Variants in TMEM218 observed in about 807,000 individuals in gnomAD.
TMEM218 encodes transmembrane protein 218.
A neutral mutation model predicts 10.0 loss-of-function variants in TMEM218; 8 were observed. That is an observed-to-expected ratio of 0.80 (90% CI 0.47 to 1.44). TMEM218 has a LOEUF of 1.44. Among genes scored for constraint, TMEM218 ranks in the 40% most tolerant of loss-of-function variants. The pLI is 0.00. For missense variants in TMEM218, 110 were observed against 140.1 expected (o/e 0.79, Z 1.08); for synonymous variants, 66 against 63.5 (o/e 1.04, Z -0.18).
intron 4 of TMEM218, among the ~76,000 whole-genome samples, chr11:125,098,457 C>G (rs560957286): frequency 6.6e-6 from 1 of 152,288 alleles, no homozygotes; most frequent in South Asian, 2.1e-4. Flanking sequence ...GAGCTCCACT[C>G]TCCCCAGATC....
chr11:125,099,145 C>G (rs539599028), intron 4 of TMEM218, among the ~76,000 whole-genome samples: 1 of 152,270 alleles, frequency 6.6e-6, no homozygotes, highest in Admixed American at 6.5e-5. Flanking sequence ...CTCTCAGACC[C>G]GAGCCCTAGT....
intron 3 of TMEM218, chr11:125,101,558 T>C: frequency 1.4e-6 from 2 of 1,404,320 alleles, no homozygotes; most frequent in Non-Finnish European, 1.9e-6. Context: ...TTTTTACTTC[T>C]GCCCAAAGTC....
intron 1 of TMEM218, among the ~76,000 whole-genome samples, chr11:125,107,797 GTGTA>G (rs56780313): frequency 0.39 from 57,517 of 147,268 alleles, 12,151 homozygotes; most frequent in East Asian, 0.69. Context: ...GTGGATATGT[GTGTA>G]TATATATATA....
intron 3 of TMEM218, 162 bp from the exon 4 acceptor site, chr11:125,101,465 T>G: frequency 6.5e-7 from 1 of 1,532,386 alleles, no homozygotes; most frequent in East Asian, 2.4e-5. Context: ...AAAGTCCTTC[T>G]TCCTAGACAG....
chr11:125,102,262 G>T lies in TMEM218; in HGVS notation c.-21C>A. On this transcript the variant is annotated 5_prime_UTR_variant, in exon 3 of 5. Transcript: ENST00000682305. ...GCCATCCCGCGGGGAGGCAGCGGCG[G>T]CCCCCCGCCCTGCGCGCCGCACGAT... 6.2e-7 allele frequency: 1 copy of T among 1,608,910 alleles called. No homozygotes were observed.
chr11:125,104,188 G>C (rs1591400403), intron 1 of TMEM218: 1 of 152,296 alleles, frequency 6.6e-6, no homozygotes, highest in African/African-American at 2.4e-5. Context: ...AAAGATGACA[G>C]AGTGAGGGGA....
At chr11:125,103,070 C>T (rs1676697418) in intron 1 of TMEM218, 1 of 189,420 alleles carries the variant, frequency 5.3e-6, no homozygotes, top group Non-Finnish European at 1.1e-5. Context: ...CCTCCAAAGG[C>T]TCTAGGGCAG....
intron 1 of TMEM218, among the ~76,000 whole-genome samples, chr11:125,106,416 CA>C (rs1205347379): frequency 6.6e-6 from 1 of 152,056 alleles, no homozygotes; most frequent in Non-Finnish European, 1.5e-5. Flanking sequence ...ACAAAACCTC[CA>C]AATATATAAA....
chr11:125,103,554 G>A (rs1030789738), intron 1 of TMEM218: 3 of 152,162 alleles, frequency 2.0e-5, no homozygotes, highest in Non-Finnish European at 4.4e-5. Flanking sequence ...CACATTTTCT[G>A]TCTCTTATAA....
intron 1 of TMEM218, among the ~76,000 whole-genome samples, chr11:125,107,306 G>T (rs1050285781): frequency 1.3e-4 from 19 of 151,994 alleles, no homozygotes; most frequent in Non-Finnish European, 2.5e-4. Flanking sequence ...ATGCACTTAG[G>T]ATTTATATAC....
chr11:125,110,216 G>A (rs895088106), intron 1 of TMEM218, among the ~76,000 whole-genome samples: 1 of 152,072 alleles, frequency 6.6e-6, no homozygotes, highest in African/African-American at 2.4e-5. Flanking sequence ...TATAAAAACG[G>A]GTTCATGCCA....
chr11:125,098,873 T>A (rs7117100), intron 4 of TMEM218, among the ~76,000 whole-genome samples: 1 of 151,898 alleles, frequency 6.6e-6, no homozygotes, highest in Middle Eastern at 3.4e-3. Context: ...TGTCACTGGC[T>A]CTGAAGATGG....
chr11:125,109,684 G>A (rs1953242511), intron 1 of TMEM218, among the ~76,000 whole-genome samples: 1 of 152,224 alleles, frequency 6.6e-6, no homozygotes, highest in African/African-American at 2.4e-5. Flanking sequence ...CTGACCTCCA[G>A]TCTTAGCTGT....
At position 125,097,273 on chromosome 11, in the gene TMEM218, C is replaced by T. The variant is rs550932933; in HGVS notation, c.*333G>A. 51 of 182,940 alleles carry T rather than the reference C, an allele frequency of 2.8e-4. No individual in the cohort carries two copies. The highest frequency in any genetic ancestry group is 1.8e-3 in the Admixed American group (30 of 16,240). The allele number at this position is 182,940 out of a possible 1,614,324, so 11.3% of individuals were successfully genotyped here. On this transcript the variant is annotated 3_prime_UTR_variant, in exon 5 of 5. Coordinates refer to ENST00000682305, the MANE Select transcript of TMEM218 (RefSeq NM_001258244.2). Reference sequence around the variant, plus strand: ...CCAGAAGCCCAGGTGCTTTTTTCCCCAAAATCCACTTACTAAGGACTTGAG... The same window carrying T: ...CCAGAAGCCCAGGTGCTTTTTTCCCTAAAATCCACTTACTAAGGACTTGAG...
Position 125,097,663 on chromosome 11 carries a change from C to T in TMEM218, c.291G>A (p.Leu97=). ...LSAIFLGGLF[L]VLIHYVLEPI... ...GCTCCAGAACATAATGGATTAAAACCAAGAAGAGGCCTCCAAGGAAGATGG... is the reference window on the plus strand; with the variant it reads ...GCTCCAGAACATAATGGATTAAAACTAAGAAGAGGCCTCCAAGGAAGATGG... The change falls in exon 5 of 5, where the codon TTG becomes TTA. Residue 97 remains leucine (L), a synonymous_variant. Transcript: ENST00000682305. 6.2e-7 allele frequency: 1 copy of T among 1,614,056 alleles called. No individual in the cohort carries two copies. The highest frequency in any genetic ancestry group is 8.5e-7 in the Non-Finnish European group (1 of 1,179,994).
At position 125,101,978 on chromosome 11, in the gene TMEM218, CAGTT is replaced by C. The variant is rs1404256679; in HGVS notation, c.110+150_110+153del. On this transcript the variant is annotated intron_variant, in intron 3 of 4. Coordinates refer to ENST00000682305, the MANE Select transcript of TMEM218 (RefSeq NM_001258244.2). ...TCTCTGCTCCAGAGCATAAATAACA[CAGTT>C]AGTGTTTATAAAAAGAGGTTAAAAT... The C allele has an allele frequency of 8.0e-6, 7 of 871,058 alleles. No homozygotes were observed. The African/African-American group carries it at 1.1e-4, about 13-fold the overall frequency. 54.0% of individuals were successfully genotyped at this position (871,058 alleles called of 1,614,324 possible).
chr11:125,106,563 G>A lies in TMEM218; in HGVS notation c.-152-3754C>T, dbSNP rs146494786. Among the ~76,000 whole-genome samples the A allele has an allele frequency of 1.8e-4, 27 of 152,328 alleles. No homozygotes were observed. In the South Asian group the frequency reaches 5.4e-3, roughly 30 times the overall value. On this transcript the variant is annotated intron_variant, in intron 1 of 4. Coordinates refer to ENST00000682305, the MANE Select transcript of TMEM218 (RefSeq NM_001258244.2). ...CACTTGAGAAAGAGGATACCTGAAT[G>A]AGAATAAATATGTAAAAAGGTGCTC...
rs370842057 is a variant in TMEM218, at chr11:125,108,924, T to A, written c.-153+2615A>T. Among the ~76,000 whole-genome samples the A allele has an allele frequency of 6.6e-6, 1 of 152,100 alleles. No individual in the cohort carries two copies. The highest frequency in any genetic ancestry group is 2.4e-5 in the African/African-American group (1 of 41,412). On this transcript the variant is annotated intron_variant, in intron 1 of 4. Coordinates refer to ENST00000682305, the MANE Select transcript of TMEM218 (RefSeq NM_001258244.2). This position sits in a 1 kb window ranked among gnomAD's most constrained non-coding sequence, Gnocchi z 5.3. ...CTGTAAACCCCAGTAGTGCCTCCAA[T>A]CAAAGAATAACAAAATACATCTTCA...
At chr11:125,103,751 C>T (rs1306462170) in intron 1 of TMEM218, 2 of 152,238 alleles carry the variant, frequency 1.3e-5, no homozygotes, top group African/African-American at 4.8e-5. Flanking sequence ...CAGCACACCA[C>T]ACTACCTCTC....
Sources: allele counts gnomAD v4.1 joint callset (sites outside exome capture counted in the v4.1 genomes callset), GRCh38; gene constraint gnomAD v4.1.1; non-coding constraint Gnocchi (gnomAD v3.1); transcripts MANE v1.5; gene names NCBI Gene and HGNC (gene_info 2026-07-23, HGNC 2026-07-21).